UNC45B: variants seen among roughly 807,000 people sequenced by gnomAD.
UNC45B encodes protein unc-45 homolog B.
In UNC45B, 78 loss-of-function variants were observed where a neutral mutation model predicts 98.7. That is an observed-to-expected ratio of 0.79 (90% CI 0.66 to 0.95). The LOEUF (loss-of-function observed/expected upper bound fraction) is 0.95, where lower values mean the gene tolerates loss of function less well. Ranked by LOEUF, UNC45B falls within the 40% of genes least tolerant of loss-of-function variation. The pLI is 0.00. For synonymous variants in UNC45B, 462 were observed against 480.4 expected, an observed-to-expected ratio of 0.96 and a Z score of 0.50; for missense variants, 1,225 against 1,184.9, an observed-to-expected ratio of 1.03 and a Z score of -0.50.
Position 35,186,569 on chromosome 17 carries a change from C to A in UNC45B, c.*10C>A. Reference sequence around the variant, plus strand: ...TAAACCAGTGTCTTAGACAGCGACCCTCAGGGATGCTGGGAGTGGTCCTGT... The same window carrying A: ...TAAACCAGTGTCTTAGACAGCGACCATCAGGGATGCTGGGAGTGGTCCTGT... On this transcript the variant is annotated 3_prime_UTR_variant, in exon 20 of 20. Transcript: ENST00000394570. 6.2e-7 allele frequency: 1 copy of A among 1,613,716 alleles called. No individual in the cohort carries two copies. Among genetic ancestry groups the A allele is most frequent in the Non-Finnish European group, 8.5e-7 (1 of 1,179,792 alleles).
chr17:35,156,482 C>G (rs574919850), intron 7 of UNC45B, among the ~76,000 whole-genome samples: 1 of 152,008 alleles, frequency 6.6e-6, no homozygotes, highest in Admixed American at 6.6e-5. Flanking sequence ...AAAAAGTAGC[C>G]GGGCATGGTG....
At position 35,148,245 on chromosome 17, in the gene UNC45B, GCTT is replaced by G. The variant is rs1567751551; in HGVS notation, c.1-16_1-14del. ...TGCAGTGAGGGGCTGACCAGACAGA[GCTT>G]CTCCTGTCCCAGCAGATGGCAGAGG... On this transcript the variant is annotated splice_polypyrimidine_tract_variant and intron_variant, in intron 1 of 19. Transcript: ENST00000394570. 6.2e-7 allele frequency: 1 copy of G among 1,613,836 alleles called. No homozygotes were observed. The highest frequency in any genetic ancestry group is 2.2e-5 in the East Asian group (1 of 44,882).
rs79851470 is a variant in UNC45B at position 35,153,061 on chromosome 17, G to A, written c.471+79G>A. 2.5e-3 allele frequency: 3,126 copies of A among 1,271,396 alleles called. 45 individuals carry two copies. The East Asian group carries it at 0.035, about 14-fold the overall frequency. 78.8% of individuals were successfully genotyped at this position (1,271,396 alleles called of 1,614,324 possible). On this transcript the variant is annotated intron_variant, in intron 5 of 19. Coordinates refer to ENST00000394570, the MANE Select transcript of UNC45B (RefSeq NM_001267052.2). ...GTGACATCATTCCGAGGGGGAAGGGGGACCGGAGGCCTGTCTTTGCAGCCC... is the reference window on the plus strand; with the variant it reads ...GTGACATCATTCCGAGGGGGAAGGGAGACCGGAGGCCTGTCTTTGCAGCCC...
Position 35,169,880 on chromosome 17 carries a change from TC to T in UNC45B, c.1497del (p.Arg500GlyfsTer24). ...TCTGCAGGTGGCACAGACTACGGTCTCAGGCAGTTTGCGGAAGGGTCGACAG... is the reference window on the plus strand; with the variant it reads ...TCTGCAGGTGGCACAGACTACGGTCTAGGCAGTTTGCGGAAGGGTCGACAG... ...LGSAGGTDYG[L>X]RQFAEGSTEK... On this transcript the variant is annotated frameshift_variant, in exon 11 of 20. Coordinates refer to ENST00000394570, the MANE Select transcript of UNC45B (RefSeq NM_001267052.2). LOFTEE classifies it high-confidence loss of function. The T allele has an allele frequency of 6.2e-7, 1 of 1,614,182 alleles. No homozygotes were observed. Among genetic ancestry groups the T allele is most frequent in the South Asian group, 1.1e-5 (1 of 91,078 alleles).
intron 10 of UNC45B, 131 bp from the exon 11 acceptor site, chr17:35,169,706 A>C (rs2092168559): frequency 1.4e-6 from 1 of 739,108 alleles, no homozygotes; most frequent in Non-Finnish European, 2.4e-6. Context: ...TACAGTCTGC[A>C]CAGAGGTGGA....
Position 35,168,219 on chromosome 17 carries a change from A to T in UNC45B, c.1310A>T (p.Asp437Val). 1.3e-6 allele frequency: 2 copies of T among 1,594,192 alleles called. No homozygotes were observed. Among genetic ancestry groups the T allele is most frequent in the East Asian group, 2.3e-5 (1 of 43,042 alleles). The change falls in exon 10 of 20, where the codon GAC (aspartate) becomes GTC (valine). Residue 437 changes from aspartate (D) to valine (V), a missense_variant. Transcript: ENST00000394570. ...CTATGTGGCTCAGAGCGCGAGACGG[A>T]CCAGCTGGTGGCCGTGGAGGCCCTC... is the stretch of plus-strand genomic sequence containing the variant. ...VALCGSERET[D>V]QLVAVEALIH...
chr17:35,151,174 G>A (rs1331671279), intron 4 of UNC45B: 2 of 298,704 alleles, frequency 6.7e-6, no homozygotes, highest in Non-Finnish European at 1.3e-5. Flanking sequence ...CGCCATTACT[G>A]AGGGAATCCT....
chr17:35,169,580 G>T (rs888608652), intron 10 of UNC45B, among the ~76,000 whole-genome samples: 9 of 152,120 alleles, frequency 5.9e-5, no homozygotes, highest in African/African-American at 2.2e-4. Flanking sequence ...TACATCTGTG[G>T]GGTCAAAATG....
chr17:35,150,319 T>C, intron 4 of UNC45B, 96 bp downstream of exon 4: 1 of 1,339,466 alleles, frequency 7.5e-7, no homozygotes, highest in South Asian at 1.5e-5. Flanking sequence ...AGGGCAGGGC[T>C]AGCCCTACCT....
intron 14 of UNC45B, 49 bp from the exon 15 acceptor site, chr17:35,175,919 G>T: frequency 6.4e-7 from 1 of 1,570,360 alleles, no homozygotes; most frequent in Non-Finnish European, 8.7e-7. Flanking sequence ...TGCTGCCTGG[G>T]AAGGTGTGCT....
intron 18 of UNC45B, among the ~76,000 whole-genome samples, chr17:35,183,013 C>T (rs2092282880): frequency 6.6e-6 from 1 of 151,824 alleles, no homozygotes; most frequent in Non-Finnish European, 1.5e-5. Context: ...CATAATTGTT[C>T]CCTGCTTCTG....
Position 35,168,090 on chromosome 17 carries a change from A to G in UNC45B, c.1181A>G (p.Lys394Arg). 1 of 1,557,896 alleles carries G rather than the reference A, an allele frequency of 6.4e-7. No homozygotes were observed. Among genetic ancestry groups the G allele is most frequent in the South Asian group, 1.2e-5 (1 of 82,688 alleles). Residue 394 changes from lysine to arginine, a missense_variant, in exon 10 of 20, where the codon AAG (lysine) becomes AGG (arginine). Physicochemically the swap from Lys to Arg is conservative, Grantham distance 26. Transcript: ENST00000394570. ...AAGTTTGACCCCCAGGACATGGACA[A>G]GAACTTGAATGCCATCCAGACAGTG... is the stretch of plus-strand genomic sequence containing the variant. ...TGKFDPQDMDKNLNAIQTVSG... is the reference protein window; with the variant it reads ...TGKFDPQDMDRNLNAIQTVSG...
intron 7 of UNC45B, among the ~76,000 whole-genome samples, chr17:35,158,785 A>C (rs1030001999): frequency 3.9e-5 from 6 of 152,156 alleles, no homozygotes; most frequent in Admixed American, 3.9e-4. Context: ...TATTTATCTG[A>C]CATGGTTTGG....
chr17:35,170,363 C>T, intron 12 of UNC45B, 108 bp downstream of exon 12: 1 of 1,312,822 alleles, frequency 7.6e-7, no homozygotes, highest in South Asian at 1.7e-5. Context: ...CTCCTTACCC[C>T]TGTATAAACA....
chr17:35,173,745 A>G (rs985185605), intron 13 of UNC45B, among the ~76,000 whole-genome samples: 2 of 151,366 alleles, frequency 1.3e-5, no homozygotes, highest in Admixed American at 6.6e-5. Flanking sequence ...CCTTAACTTA[A>G]TCGTGTCTGC....
intron 19 of UNC45B, among the ~76,000 whole-genome samples, chr17:35,185,299 A>T (rs968571072): frequency 7.2e-6 from 1 of 139,564 alleles, no homozygotes; most frequent in East Asian, 2.1e-4. Flanking sequence ...GTTTTTTTTT[A>T]ATTTATTTTT....
intron 13 of UNC45B, 99 bp from the exon 14 acceptor site, chr17:35,174,143 A>G: frequency 6.5e-7 from 1 of 1,537,276 alleles, no homozygotes; most frequent in Non-Finnish European, 8.9e-7. Context: ...CCATTATTCA[A>G]CCAACCCCAA....
chr17:35,152,193 C>T (rs2092024371), intron 4 of UNC45B, among the ~76,000 whole-genome samples: 1 of 151,976 alleles, frequency 6.6e-6, no homozygotes, highest in Admixed American at 6.6e-5. Flanking sequence ...TTACAGTGAG[C>T]AGAGATCGTG....
intron 8 of UNC45B, among the ~76,000 whole-genome samples, chr17:35,161,114 C>T (rs1597913907): frequency 1.3e-5 from 2 of 152,208 alleles, no homozygotes; most frequent in African/African-American, 4.8e-5. Context: ...GAAACGTGAG[C>T]GTTAACAACA....
Sources: allele counts gnomAD v4.1 joint callset (sites outside exome capture counted in the v4.1 genomes callset), GRCh38; gene constraint gnomAD v4.1.1; transcripts MANE v1.5; gene names NCBI Gene and HGNC (gene_info 2026-07-23, HGNC 2026-07-21).